The following SLC35F4 variants were observed in gnomAD, a reference collection of about 807,000 sequenced individuals.
The protein encoded by SLC35F4 is chromosome 14 open reading frame 36.
Under a neutral mutation model 44.2 loss-of-function variants are expected in SLC35F4, and 24 were observed. The ratio of observed to expected loss-of-function variants is 0.54; its 90% CI spans 0.39 to 0.76. The LOEUF is 0.76. Ranked by LOEUF, SLC35F4 falls within the 30% of genes least tolerant of loss-of-function variation. The pLI, the probability that SLC35F4 is intolerant of heterozygous loss-of-function variation, is 0.00. For synonymous variants in SLC35F4, 238 were observed against 223.6 expected, an observed-to-expected ratio of 1.06 and a Z score of -0.57; for missense variants, 562 against 586.1, an observed-to-expected ratio of 0.96 and a Z score of 0.42.
intron 1 of SLC35F4, among the ~76,000 whole-genome samples, chr14:57,849,265 G>A (rs1431640739): frequency 6.6e-6 from 1 of 152,218 alleles, no homozygotes; most frequent in African/African-American, 2.4e-5. Flanking sequence ...GGGTTCAAGC[G>A]ATCCTGCTGC....
Position 57,769,458 on chromosome 14 carries a change from A to G in SLC35F4, c.103+96265T>C, listed in dbSNP as rs571071204. 1.7e-3 allele frequency among the ~76,000 whole-genome samples: 256 copies of G among 152,354 alleles called. 1 individual carries two copies. Among genetic ancestry groups the G allele is most frequent in the African/African-American group, 6.0e-3 (248 of 41,580 alleles). On this transcript the variant is annotated intron_variant, in intron 1 of 7. Coordinates refer to ENST00000556826, the MANE Select transcript of SLC35F4 (RefSeq NM_001306087.2). The stretch of plus-strand genomic sequence containing the variant: ...ACAAAATTGGGGTGTGAATCTGTGC[A>G]GGTGCAATCAGCCAAAACCTCATAA...
chr14:57,888,635 C>CTT (rs1004846701), intron 1 of SLC35F4, among the ~76,000 whole-genome samples: 1 of 151,804 alleles, frequency 6.6e-6, no homozygotes, highest in Non-Finnish European at 1.5e-5. Context: ...TATGATTTAC[C>CTT]AAAAAGGGAC....
intron 1 of SLC35F4, among the ~76,000 whole-genome samples, chr14:57,633,509 A>C (rs899174489): frequency 6.6e-6 from 1 of 152,246 alleles, no homozygotes; most frequent in East Asian, 1.9e-4. Context: ...CTTTTAAAAA[A>C]CTTTTTATTT....
intron 1 of SLC35F4, among the ~76,000 whole-genome samples, chr14:57,795,527 C>T (rs1057078965): frequency 2.0e-5 from 3 of 152,030 alleles, no homozygotes; most frequent in Non-Finnish European, 4.4e-5. Flanking sequence ...TGTATTGATC[C>T]AATATAATAA....
At chr14:57,909,436 T>C (rs941817954) in intron 1 of SLC35F4, among the ~76,000 whole-genome samples, 5 of 151,890 alleles carry the variant, frequency 3.3e-5, no homozygotes, top group African/African-American at 9.6e-5. Context: ...TCCTCAATGC[T>C]CCACCAATTT....
At chr14:57,591,294 CT>C (rs11339982) in intron 2 of SLC35F4, among the ~76,000 whole-genome samples, 51,700 of 151,912 alleles carry the variant, frequency 0.34, 9,754 homozygotes, top group Admixed American at 0.45. Flanking sequence ...TGTTGAGGAG[CT>C]GGGGGGGATA....
chr14:57,935,881 T>C (rs1889786133), intron 1 of SLC35F4, among the ~76,000 whole-genome samples: 1 of 152,232 alleles, frequency 6.6e-6, no homozygotes. Context: ...AGTAATGGTA[T>C]TAAAGTCAAT....
At chr14:57,630,759 C>A in intron 1 of SLC35F4, 1 of 523,686 alleles carries the variant, frequency 1.9e-6, no homozygotes, top group Non-Finnish European at 3.3e-6. Flanking sequence ...CCTAAATTAT[C>A]AGGAATACAG....
chr14:57,874,841 T>C (rs1035723691), intron 1 of SLC35F4, among the ~76,000 whole-genome samples: 1 of 152,194 alleles, frequency 6.6e-6, no homozygotes, highest in Non-Finnish European at 1.5e-5. Flanking sequence ...TCAAGGGTTC[T>C]GTTAAATTTA....
At chr14:57,884,331 G>C (rs1888601766) in intron 1 of SLC35F4, among the ~76,000 whole-genome samples, 1 of 152,088 alleles carries the variant, frequency 6.6e-6, no homozygotes, top group Admixed American at 6.6e-5. Flanking sequence ...TCAACCAGCA[G>C]AGTATATTTA....
intron 1 of SLC35F4, among the ~76,000 whole-genome samples, chr14:57,768,562 T>C (rs2077286752): frequency 6.6e-6 from 1 of 152,236 alleles, no homozygotes. Context: ...GAACCGCTCC[T>C]ACAAATCCAA....
At chr14:57,816,508 C>A (rs1390229288) in intron 1 of SLC35F4, among the ~76,000 whole-genome samples, 1 of 152,124 alleles carries the variant, frequency 6.6e-6, no homozygotes, top group Non-Finnish European at 1.5e-5. Flanking sequence ...ATCTCAGAAC[C>A]AGAAAACATA....
chr14:57,966,821 C>A (rs1052844698), intron 1 of SLC35F4, among the ~76,000 whole-genome samples: 2 of 152,086 alleles, frequency 1.3e-5, no homozygotes, highest in African/African-American at 4.8e-5. Flanking sequence ...ACCAGCCTGG[C>A]CAACATGGCG....
intron 1 of SLC35F4, among the ~76,000 whole-genome samples, chr14:57,912,315 CT>C (rs879329471): frequency 2.6e-5 from 4 of 151,760 alleles, no homozygotes; most frequent in Non-Finnish European, 4.4e-5. Context: ...AATTTGCACA[CT>C]TTTTCTAATT....
At chr14:57,686,900 C>A (rs80209876) in intron 1 of SLC35F4, among the ~76,000 whole-genome samples, 1 of 152,092 alleles carries the variant, frequency 6.6e-6, no homozygotes, top group South Asian at 2.1e-4. Flanking sequence ...GAAGTCCTAA[C>A]TCTCAGAACC....
intron 1 of SLC35F4, among the ~76,000 whole-genome samples, chr14:57,859,829 G>T (rs1255858784): frequency 6.6e-6 from 1 of 152,182 alleles, no homozygotes; most frequent in Non-Finnish European, 1.5e-5. Context: ...GGATAACTCA[G>T]AGTTTCTGGC....
intron 1 of SLC35F4, among the ~76,000 whole-genome samples, chr14:57,820,383 T>C (rs2140908908): frequency 6.6e-6 from 1 of 152,206 alleles, no homozygotes; most frequent in Non-Finnish European, 1.5e-5. Flanking sequence ...AAAATGTGAG[T>C]CTGGGTAAGA....
At chr14:57,728,818 TC>T (rs1199862880) in intron 1 of SLC35F4, among the ~76,000 whole-genome samples, 1 of 152,190 alleles carries the variant, frequency 6.6e-6, no homozygotes, top group Non-Finnish European at 1.5e-5. Context: ...ATTCAAGAAC[TC>T]CCTTTAGCAT....
intron 1 of SLC35F4, among the ~76,000 whole-genome samples, chr14:57,662,482 T>C (rs897615363): frequency 6.6e-6 from 1 of 152,298 alleles, no homozygotes; most frequent in African/African-American, 2.4e-5. Flanking sequence ...ACCAGGTTAG[T>C]TCTTGTTAGA....
Sources: allele counts gnomAD v4.1 joint callset (sites outside exome capture counted in the v4.1 genomes callset), GRCh38; gene constraint gnomAD v4.1.1; transcripts MANE v1.5; gene names NCBI Gene and HGNC (gene_info 2026-07-23, HGNC 2026-07-21).